The following RNFT2 variants were observed in gnomAD, a reference collection of about 807,000 sequenced individuals.
RNFT2 encodes the protein ring finger protein, transmembrane 2, also known as E3 ubiquitin-protein ligase RNFT2.
Under a neutral mutation model 53.0 loss-of-function variants are expected in RNFT2, and 36 were observed. The ratio of observed to expected loss-of-function variants is 0.68; its 90% confidence interval spans 0.52 to 0.90. The LOEUF is 0.90. Among genes scored for constraint, RNFT2 ranks in the 40% least tolerant of loss-of-function variants. The probability of loss-of-function intolerance (pLI) is 0.00; values close to 1 mark genes in which losing one functional copy is unlikely to be tolerated. For missense variants in RNFT2, 514 were observed against 585.6 expected, an observed-to-expected ratio of 0.88 and a Z score of 1.26; for synonymous variants, 260 against 253.2, an observed-to-expected ratio of 1.03 and a Z score of -0.26.
Position 116,766,858 on chromosome 12 carries a change from G to A in RNFT2, c.672G>A (p.Leu224=). The A allele has an allele frequency of 2.5e-6, 4 of 1,598,998 alleles. No homozygotes were observed. Among genetic ancestry groups the A allele is most frequent in the Non-Finnish European group, 3.4e-6 (4 of 1,172,490 alleles). The part of the protein sequence containing the change: ...VLVILWILAF[L]AGNTLYVLYT... ...TCATCTTGTGGATCCTGGCCTTTCT[G>A]GCGGGGAACACCCTCTATGTGCTTT... The change falls in exon 6 of 11, where the codon CTG becomes CTA. Residue 224 remains leucine (L), a synonymous_variant. Transcript: ENST00000257575.
At chr12:116,821,433 C>T (rs968268838) in intron 7 of RNFT2, among the ~76,000 whole-genome samples, 9 of 152,360 alleles carry the variant, frequency 5.9e-5, no homozygotes, top group African/African-American at 2.2e-4. Context: ...GGTGCTGGGT[C>T]TGCAGGACTC....
At chr12:116,805,997 C>G (rs1281113387) in intron 7 of RNFT2, among the ~76,000 whole-genome samples, 1 of 152,226 alleles carries the variant, frequency 6.6e-6, no homozygotes, top group Admixed American at 6.5e-5. Flanking sequence ...GCCTAGCTAG[C>G]TGAATCGAGA....
intron 5 of RNFT2, among the ~76,000 whole-genome samples, chr12:116,758,592 A>G (rs900618947): frequency 2.6e-5 from 4 of 152,120 alleles, no homozygotes; most frequent in Non-Finnish European, 4.4e-5. Flanking sequence ...TTGTCTGAAA[A>G]TACTGTATCT....
At chr12:116,839,244 C>T (rs1877126061) in intron 10 of RNFT2, among the ~76,000 whole-genome samples, 1 of 152,152 alleles carries the variant, frequency 6.6e-6, no homozygotes, top group African/African-American at 2.4e-5. Flanking sequence ...GAGCAGATAC[C>T]ATGTCTGTCT....
At chr12:116,746,120 C>G (rs1292326985) in intron 3 of RNFT2, among the ~76,000 whole-genome samples, 1 of 152,100 alleles carries the variant, frequency 6.6e-6, no homozygotes, top group Non-Finnish European at 1.5e-5. Flanking sequence ...ACCTGTAATC[C>G]CAGCTACTCG....
At position 116,836,214 on chromosome 12, in the gene RNFT2, A is replaced by G; in HGVS notation, c.1132A>G (p.Thr378Ala). The G allele has an allele frequency of 6.3e-7, 1 of 1,595,572 alleles. No homozygotes were observed. Among genetic ancestry groups the G allele is most frequent in the Non-Finnish European group, 8.5e-7 (1 of 1,171,090 alleles). ...AGTCCGAGCCACCGGGCAGCAGTGC[A>G]CAGAAGCTGGTGACATCTGCGCCAT... ...YGVRATGQQC[T>A]EAGDICAICQ... Residue 378 changes from threonine to alanine, a missense_variant, in exon 10 of 11, where the codon ACA (threonine) becomes GCA (alanine). Thr to Ala is a moderately conservative substitution (Grantham distance 58). This residue lies in a region of RNFT2 where 273 missense variants were observed against 334.4 expected (regional missense o/e 0.82). Coordinates refer to ENST00000257575, the MANE Select transcript of RNFT2 (RefSeq NM_001382266.1).
chr12:116,824,524 G>T (rs1428617867), intron 7 of RNFT2, among the ~76,000 whole-genome samples: 1 of 152,204 alleles, frequency 6.6e-6, no homozygotes, highest in Non-Finnish European at 1.5e-5. Flanking sequence ...ACCAGCTCTA[G>T]GGTGTGGGAT....
intron 10 of RNFT2, among the ~76,000 whole-genome samples, chr12:116,844,332 G>A (rs938879739): frequency 7.9e-5 from 12 of 152,186 alleles, no homozygotes; most frequent in African/African-American, 2.9e-4. Flanking sequence ...CCAGGTCACG[G>A]TTCAAGCAAT....
At position 116,851,880 on chromosome 12, in the gene RNFT2, A is replaced by AT; in HGVS notation, c.*2433dup. The AT allele has an allele frequency of 6.5e-7, 1 of 1,535,566 alleles. No homozygotes were observed. ...GTCTTTCTCCTCTTCCTATTCTGTC[A>AT]TCTCCCTCACTTAAGTCTCAGGCCT... On this transcript the variant is annotated 3_prime_UTR_variant, in exon 11 of 11. Transcript: ENST00000257575.
chr12:116,773,398 T>C (rs1292733341), intron 6 of RNFT2, among the ~76,000 whole-genome samples: 5 of 152,124 alleles, frequency 3.3e-5, no homozygotes, highest in African/African-American at 4.8e-5. Flanking sequence ...ATGCAGGGAC[T>C]CAAACAATCC....
intron 4 of RNFT2, among the ~76,000 whole-genome samples, chr12:116,751,040 G>A: frequency 6.7e-6 from 1 of 149,806 alleles, no homozygotes; most frequent in East Asian, 2.0e-4. Context: ...TCAGCCTCCT[G>A]AGTAGCTGGG....
At chr12:116,760,968 T>G (rs998215933) in intron 5 of RNFT2, among the ~76,000 whole-genome samples, 6 of 152,048 alleles carry the variant, frequency 3.9e-5, no homozygotes, top group Non-Finnish European at 8.8e-5. Flanking sequence ...AGCCTCCAAC[T>G]CCCGGATTCA....
chr12:116,841,963 AG>A (rs377043417), intron 10 of RNFT2, among the ~76,000 whole-genome samples: 89,331 of 102,452 alleles, frequency 0.87, 38,722 homozygotes, highest in Admixed American at 0.92. Flanking sequence ...ATATATAGAG[AG>A]AGAGAGAGAG....
intron 7 of RNFT2, among the ~76,000 whole-genome samples, chr12:116,780,968 G>C (rs1298199181): frequency 6.6e-6 from 1 of 152,156 alleles, no homozygotes; most frequent in African/African-American, 2.4e-5. Flanking sequence ...TTCCTCATCT[G>C]TCAACTGAAA....
At chr12:116,748,686 G>A (rs1365773298) in intron 3 of RNFT2, 1 of 452,048 alleles carries the variant, frequency 2.2e-6, no homozygotes, top group Non-Finnish European at 4.4e-6. Flanking sequence ...GGCCCCTCTG[G>A]GGAACTGGGG....
intron 7 of RNFT2, among the ~76,000 whole-genome samples, chr12:116,786,587 T>C (rs1373810551): frequency 2.0e-5 from 3 of 152,226 alleles, no homozygotes; most frequent in Non-Finnish European, 4.4e-5. Context: ...GTCTAGATTC[T>C]TTCTCATAGT....
At chr12:116,832,375 T>C (rs1424483792) in intron 7 of RNFT2, among the ~76,000 whole-genome samples, 1 of 152,034 alleles carries the variant, frequency 6.6e-6, no homozygotes, top group East Asian at 1.9e-4. Flanking sequence ...CATTCACCCA[T>C]GTCATCGCGA....
chr12:116,820,996 G>T (rs1875985983), intron 7 of RNFT2, among the ~76,000 whole-genome samples: 1 of 152,014 alleles, frequency 6.6e-6, no homozygotes, highest in Non-Finnish European at 1.5e-5. Context: ...CTGTGTTTGA[G>T]CTTTCTCATC....
chr12:116,753,985 C>A lies in RNFT2; in HGVS notation c.552C>A (p.Gly184=), dbSNP rs759158631. Residue 184 remains glycine, a splice_region_variant and synonymous_variant, in exon 5 of 11, where the codon GGC becomes GGA. Coordinates refer to ENST00000257575, the MANE Select transcript of RNFT2 (RefSeq NM_001382266.1). Reference sequence around the variant, plus strand: ...ATCAGGCCCTTCTCTGTCCCACAGGCATTGCTGTGTGCATCGGGATGGCCA... The same window carrying A: ...ATCAGGCCCTTCTCTGTCCCACAGGAATTGCTGTGTGCATCGGGATGGCCA... ...LAKLCFQHKL[G]IAVCIGMAST... 8.7e-6 allele frequency: 14 copies of A among 1,613,604 alleles called. No homozygotes were observed. The highest frequency in any genetic ancestry group is 2.5e-6 in the Non-Finnish European group (3 of 1,179,688).
Sources: gnomAD v4.1 joint callset for allele counts (sites outside exome capture counted in the v4.1 genomes callset) on GRCh38, gnomAD v4.1.1 for gene constraint, gnomAD v4.1.1 regional missense constraint, MANE v1.5 for transcripts, NCBI Gene and HGNC (gene_info 2026-07-23, HGNC 2026-07-21) for gene names.